Variants in FGD4 observed in about 807,000 individuals in gnomAD.
FGD4 encodes FYVE, RhoGEF and PH domain-containing protein 4.
Under a neutral mutation model 102.0 loss-of-function variants are expected in FGD4, and 42 were observed. The ratio of observed to expected loss-of-function variants is 0.41; its 90% CI spans 0.32 to 0.53. The LOEUF is 0.53. Ranked by LOEUF, FGD4 falls within the 20% of genes least tolerant of loss-of-function variation. The pLI is 0.21. For synonymous variants in FGD4, 380 were observed against 375.7 expected (o/e 1.01, Z -0.13); for missense variants, 902 against 1,078.2 (o/e 0.84, Z 2.29).
chr12:32,568,614 A>G (rs1462644281), intron 2 of FGD4, among the ~76,000 whole-genome samples: 1 of 152,230 alleles, frequency 6.6e-6, no homozygotes, highest in Non-Finnish European at 1.5e-5. Context: ...TTGTCACATA[A>G]TATCTCAATC....
chr12:32,622,152 T>C (rs557605333), intron 11 of FGD4, among the ~76,000 whole-genome samples: 10 of 152,346 alleles, frequency 6.6e-5, no homozygotes, highest in African/African-American at 2.4e-4. Context: ...TCCAAAGTGC[T>C]GGGATTACAG....
At chr12:32,500,607 T>A (rs1288665962) in intron 1 of FGD4, among the ~76,000 whole-genome samples, 1 of 151,830 alleles carries the variant, frequency 6.6e-6, no homozygotes, top group Non-Finnish European at 1.5e-5. Context: ...CTAATTTTTG[T>A]ATTTTTAGTA....
rs770560590 is a variant in FGD4 at position 32,422,288 on chromosome 12, C to CTTTT, written c.166+22354_166+22357dup. On this transcript the variant is annotated intron_variant, in intron 1 of 16. Coordinates refer to ENST00000534526, the MANE Select transcript of FGD4 (RefSeq NM_001370298.3). The stretch of plus-strand genomic sequence containing the variant: ...TTGAAGCATCTCAAATTGGGAGCTG[C>CTTTT]TTTTTTTTTTTTTTTTTTTTTTTTT... 8.3e-4 allele frequency among the ~76,000 whole-genome samples: 45 copies of CTTTT among 54,172 alleles called. 7 individuals are homozygous for CTTTT. The highest frequency in any genetic ancestry group is 1.6e-3 in the South Asian group (2 of 1,278). 35.5% of individuals were successfully genotyped at this position (54,172 alleles called of 152,430 possible).
chr12:32,429,784 T>C (rs147223007), intron 1 of FGD4, among the ~76,000 whole-genome samples: 176 of 152,334 alleles, frequency 1.2e-3, no homozygotes, highest in African/African-American at 4.1e-3. Flanking sequence ...CTAATTAGCA[T>C]ACATAATTAT....
intron 1 of FGD4, among the ~76,000 whole-genome samples, chr12:32,473,269 G>T (rs1943475359): frequency 1.3e-5 from 2 of 151,928 alleles, no homozygotes; most frequent in Admixed American, 1.3e-4. Flanking sequence ...CTTCCACACT[G>T]TGGAAGTTTT....
At chr12:32,613,687 T>A (rs1949284772) in intron 10 of FGD4, among the ~76,000 whole-genome samples, 1 of 152,086 alleles carries the variant, frequency 6.6e-6, no homozygotes, top group African/African-American at 2.4e-5. Context: ...CAGGAGGATC[T>A]CTTGAGCCAA....
At chr12:32,412,031 G>A (rs1167746286) in intron 1 of FGD4, among the ~76,000 whole-genome samples, 3 of 152,190 alleles carry the variant, frequency 2.0e-5, no homozygotes, top group African/African-American at 4.8e-5. Context: ...ACGTGCACAC[G>A]TGAGAATCAC....
At chr12:32,411,980 A>G (rs932317920) in intron 1 of FGD4, among the ~76,000 whole-genome samples, 7 of 151,678 alleles carry the variant, frequency 4.6e-5, no homozygotes, top group African/African-American at 1.7e-4. Flanking sequence ...ATCTCAAAAG[A>G]AAAAAAAAGG....
intron 1 of FGD4, among the ~76,000 whole-genome samples, chr12:32,483,876 A>T (rs1943824629): frequency 6.6e-6 from 1 of 152,142 alleles, no homozygotes; most frequent in Non-Finnish European, 1.5e-5. Context: ...ACCACAGTAT[A>T]TGAACATACT....
Position 32,539,240 on chromosome 12 carries a change from C to G in FGD4, c.167-24897C>G, listed in dbSNP as rs554698590. Among the ~76,000 whole-genome samples, 26 of 151,996 alleles carry G rather than the reference C, an allele frequency of 1.7e-4. No individual in the cohort carries two copies. The East Asian group carries it at 3.3e-3, about 19-fold the overall frequency. On this transcript the variant is annotated intron_variant, in intron 1 of 16. Transcript: ENST00000534526. ...ATAAAAAATAATCTAGAAATATTTC[C>G]TTAGTAGTTCCTGTAAGGCTTGATG...
At position 32,540,212 on chromosome 12, in the gene FGD4, C is replaced by T. The variant is rs373022749; in HGVS notation, c.167-23925C>T. On this transcript the variant is annotated intron_variant, in intron 1 of 16. Transcript: ENST00000534526. ...TGTTCAAGGAGGTTTAAGTTCGCCT[C>T]CCTCATAGACCTCTAAATGCAGTGA... Among the ~76,000 whole-genome samples, 21 of 152,224 alleles carry T rather than the reference C, an allele frequency of 1.4e-4. 2 individuals carry two copies. The highest frequency in any genetic ancestry group is 5.1e-4 in the African/African-American group (21 of 41,554).
At chr12:32,581,380 T>A (rs550105422) in intron 3 of FGD4, among the ~76,000 whole-genome samples, 6 of 152,146 alleles carry the variant, frequency 3.9e-5, no homozygotes, top group Non-Finnish European at 8.8e-5. Flanking sequence ...TTGTAGAGGT[T>A]CTAGTGGAGG....
rs373453629 is a variant in FGD4 at position 32,446,116 on chromosome 12, T to C, written c.166+46157T>C. ...TGTAGTGAGCCAGAGATCAGGCGAC[T>C]GCACTCCAGCCTGGGCAACTGCGGT... is the stretch of plus-strand genomic sequence containing the variant. On this transcript the variant is annotated intron_variant, in intron 1 of 16. Coordinates refer to ENST00000534526, the MANE Select transcript of FGD4 (RefSeq NM_001370298.3). Among the ~76,000 whole-genome samples the C allele has an allele frequency of 1.2e-4, 18 of 152,328 alleles. No individual in the cohort carries two copies. The East Asian group carries it at 3.3e-3, about 28-fold the overall frequency.
In FGD4 at chr12:32,625,042, G is replaced by A. The variant is rs1365794022; in HGVS notation, c.2020G>A (p.Asp674Asn). The change falls in exon 13 of 17, where the codon GAT becomes AAT. Residue 674 changes from aspartate to asparagine, a missense_variant. Physicochemically the swap from Asp to Asn is conservative, Grantham distance 23. This residue lies in a region of FGD4 where 459 missense variants were observed against 619.0 expected (regional missense o/e 0.74). Transcript: ENST00000534526. ...AACCTTCAGAAATGCAATTGCAAAG[G>A]ATAATGACATTCACTCAGAGGTTTC... ...HETFRNAIAK[D>N]NDIHSEVSTA... 1 of 1,613,036 alleles carries A rather than the reference G, an allele frequency of 6.2e-7. No individual in the cohort carries two copies.
chr12:32,574,392 A>C (rs950189126), intron 2 of FGD4, among the ~76,000 whole-genome samples: 3 of 141,646 alleles, frequency 2.1e-5, no homozygotes, highest in African/African-American at 7.9e-5. Flanking sequence ...CATATTTACT[A>C]CTCATAATGT....
intron 1 of FGD4, among the ~76,000 whole-genome samples, chr12:32,405,155 G>A (rs912710566): frequency 2.0e-5 from 3 of 151,578 alleles, no homozygotes; most frequent in Non-Finnish European, 4.4e-5. Flanking sequence ...GGATGGTCTC[G>A]ATCTCCTGAC....
In FGD4 at chr12:32,540,895, A is replaced by C. The variant is rs570431570; in HGVS notation, c.167-23242A>C. ...TCCTTTATGCAAGCTAGAGGTTTTGAGGTTCCCCCTCCCCATCGAGCCTTG... is the reference window on the plus strand; with the variant it reads ...TCCTTTATGCAAGCTAGAGGTTTTGCGGTTCCCCCTCCCCATCGAGCCTTG... On this transcript the variant is annotated intron_variant, in intron 1 of 16. Coordinates refer to ENST00000534526, the MANE Select transcript of FGD4 (RefSeq NM_001370298.3). Among the ~76,000 whole-genome samples, 6 of 152,182 alleles carry C rather than the reference A, an allele frequency of 3.9e-5. No individual in the cohort carries two copies. In the South Asian group the frequency reaches 1.2e-3, roughly 32 times the overall value.
At chr12:32,469,340 G>T (rs1256087547) in intron 1 of FGD4, among the ~76,000 whole-genome samples, 1 of 148,624 alleles carries the variant, frequency 6.7e-6, no homozygotes, top group Non-Finnish European at 1.5e-5. Flanking sequence ...GTGCAGTGGC[G>T]CAATCTCGGC....
At chr12:32,522,386 C>A (rs1446209604) in intron 1 of FGD4, among the ~76,000 whole-genome samples, 1 of 152,116 alleles carries the variant, frequency 6.6e-6, no homozygotes, top group Non-Finnish European at 1.5e-5. Context: ...ACAAAAGGCC[C>A]AAGTTGCTGC....
Sources: allele counts gnomAD v4.1 joint callset (sites outside exome capture counted in the v4.1 genomes callset), GRCh38; gene constraint gnomAD v4.1.1; regional missense constraint gnomAD v4.1.1; transcripts MANE v1.5; gene names NCBI Gene and HGNC (gene_info 2026-07-23, HGNC 2026-07-21).